Variants in FBXO15 observed in about 807,000 individuals in gnomAD.
The protein encoded by FBXO15 is F-box protein 15.
A neutral mutation model predicts 49.5 loss-of-function variants in FBXO15; 30 were observed. That is an observed-to-expected ratio of 0.61 (90% confidence interval 0.45 to 0.82). The LOEUF (loss-of-function observed/expected upper bound fraction) is 0.82, where lower values mean the gene tolerates loss of function less well. FBXO15 is among the 40% of genes least tolerant of loss of function. FBXO15 has a pLI of 0.00. For synonymous variants in FBXO15, 250 were observed against 232.7 expected (o/e 1.07, Z -0.68); for missense variants, 591 against 631.5 (o/e 0.94, Z 0.69).
At chr18:74,084,895 T>C (rs1328398711) in intron 8 of FBXO15, among the ~76,000 whole-genome samples, 1 of 152,120 alleles carries the variant, frequency 6.6e-6, no homozygotes, top group Non-Finnish European at 1.5e-5. Context: ...ATTAACATTA[T>C]GCAGTAGTTG....
chr18:74,133,041 A>C (rs902519450), intron 3 of FBXO15, among the ~76,000 whole-genome samples: 16 of 152,206 alleles, frequency 1.1e-4, no homozygotes, highest in African/African-American at 3.9e-4. Context: ...CTTAGAATAC[A>C]CTGTAAACTT....
At position 74,129,446 on chromosome 18, in the gene FBXO15, T is replaced by C; in HGVS notation, c.744A>G (p.Thr248=). 1 of 1,614,014 alleles carries C rather than the reference T, an allele frequency of 6.2e-7. No individual in the cohort carries two copies. Among genetic ancestry groups the C allele is most frequent in the East Asian group, 2.2e-5 (1 of 44,846 alleles). The part of the protein sequence containing the change: ...SLSTLDLCGM[T]PVFTDWYKTP... ...TTTTATACCAGTCGGTAAAAACTGG[T>C]GTCATGCCACATAAATCTAAGGTTG... is the stretch of plus-strand genomic sequence containing the variant. The change falls in exon 5 of 10, where the codon ACA becomes ACG. Residue 248 remains threonine, a synonymous_variant. Transcript: ENST00000419743.
At chr18:74,117,080 C>T (rs909977151) in intron 8 of FBXO15, among the ~76,000 whole-genome samples, 3 of 152,156 alleles carry the variant, frequency 2.0e-5, no homozygotes, top group African/African-American at 7.2e-5. Flanking sequence ...CCACATGGTA[C>T]CACAAGAGAG....
At chr18:74,130,881 C>A in intron 3 of FBXO15, 2 of 442,948 alleles carry the variant, frequency 4.5e-6, no homozygotes, top group Non-Finnish European at 7.9e-6. Flanking sequence ...AGGAAAAGCC[C>A]ATTTCCCAGG....
chr18:74,099,153 G>A (rs537582787), intron 8 of FBXO15: 2 of 152,018 alleles, frequency 1.3e-5, no homozygotes, highest in Admixed American at 1.3e-4. Context: ...TAAGACAAAG[G>A]AAAGAATCTT....
chr18:74,146,362 C>A (rs1979410290), intron 1 of FBXO15, among the ~76,000 whole-genome samples: 1 of 152,186 alleles, frequency 6.6e-6, no homozygotes, highest in Non-Finnish European at 1.5e-5. Flanking sequence ...ATAATGCATA[C>A]ATTTCCAAAT....
intron 8 of FBXO15, among the ~76,000 whole-genome samples, chr18:74,118,485 C>CAG (rs138973983): frequency 6.2e-4 from 91 of 146,332 alleles, no homozygotes; most frequent in Middle Eastern, 7.6e-3. Context: ...ACATTATACA[C>CAG]AGAGAGAGAG....
At chr18:74,114,492 T>C (rs1323911720) in intron 8 of FBXO15, among the ~76,000 whole-genome samples, 2 of 150,310 alleles carry the variant, frequency 1.3e-5, no homozygotes, top group African/African-American at 4.8e-5. Context: ...GGAGCCAATG[T>C]CATCTATTTA....
At chr18:74,131,399 G>C (rs1157178475) in intron 3 of FBXO15, among the ~76,000 whole-genome samples, 1 of 152,168 alleles carries the variant, frequency 6.6e-6, no homozygotes, top group East Asian at 1.9e-4. Flanking sequence ...TAGTGAAGCT[G>C]GGATCGGAAC....
chr18:74,124,675 C>G, intron 6 of FBXO15, 104 bp from the exon 7 acceptor site: 2 of 938,434 alleles, frequency 2.1e-6, no homozygotes, highest in Non-Finnish European at 3.5e-6. Flanking sequence ...GATAGAGGCA[C>G]TTTCTTACAA....
At chr18:74,105,037 TTA>T (rs1461452260) in intron 8 of FBXO15, among the ~76,000 whole-genome samples, 1 of 152,182 alleles carries the variant, frequency 6.6e-6, no homozygotes, top group Non-Finnish European at 1.5e-5. Flanking sequence ...CTGGAGGTAA[TTA>T]TATTAAGTAA....
At chr18:74,082,172 G>C in intron 8 of FBXO15, 121 bp from the exon 9 acceptor site, 2 of 854,052 alleles carry the variant, frequency 2.3e-6, no homozygotes, top group East Asian at 2.8e-5. Context: ...TCAGCGATGA[G>C]GGCAACATGG....
chr18:74,089,015 G>A (rs549243092), intron 8 of FBXO15, among the ~76,000 whole-genome samples: 4 of 152,110 alleles, frequency 2.6e-5, no homozygotes, highest in South Asian at 2.1e-4. Context: ...TGTACATGAC[G>A]TACAGGTTTG....
rs1004573230 is a variant in FBXO15, at chr18:74,073,421, A to G, written c.*40T>C. ...AACACCAAGAACAAAGCCAGTCAAA[A>G]ATAAACAACTAAATAACAACAATAA... On this transcript the variant is annotated 3_prime_UTR_variant, in exon 10 of 10. Coordinates refer to ENST00000419743, the MANE Select transcript of FBXO15 (RefSeq NM_001142958.2). 1 of 1,588,742 alleles carries G rather than the reference A, an allele frequency of 6.3e-7. No homozygotes were observed. Among genetic ancestry groups the G allele is most frequent in the African/African-American group, 1.3e-5 (1 of 74,080 alleles).
chr18:74,143,610 C>A (rs2145232414), intron 1 of FBXO15, among the ~76,000 whole-genome samples: 1 of 152,308 alleles, frequency 6.6e-6, no homozygotes, highest in East Asian at 1.9e-4. Flanking sequence ...GAAAAAAATA[C>A]TAAAAACGGT....
At chr18:74,128,334 CA>C (rs200806589) in intron 5 of FBXO15, among the ~76,000 whole-genome samples, 259 of 129,794 alleles carry the variant, frequency 2.0e-3, no homozygotes, top group Middle Eastern at 4.0e-3. Context: ...TACAGAGCTG[CA>C]AAAAAAAAAA....
At chr18:74,139,054 C>T (rs903624361) in intron 2 of FBXO15, among the ~76,000 whole-genome samples, 1 of 152,118 alleles carries the variant, frequency 6.6e-6, no homozygotes, top group Non-Finnish European at 1.5e-5. Context: ...GGAGCCCCCA[C>T]CACCACACCT....
chr18:74,140,361 G>T, intron 1 of FBXO15, 49 bp from the exon 2 acceptor site: 1 of 1,483,024 alleles, frequency 6.7e-7, no homozygotes, highest in Non-Finnish European at 9.2e-7. Flanking sequence ...CAAATGAGGT[G>T]AATTATCTAT....
At chr18:74,133,181 G>A (rs983225850) in intron 3 of FBXO15, among the ~76,000 whole-genome samples, 1 of 152,170 alleles carries the variant, frequency 6.6e-6, no homozygotes, top group Non-Finnish European at 1.5e-5. Context: ...CCTAAAAAGT[G>A]CAATTCAACT....
Sources: allele counts gnomAD v4.1 joint callset (sites outside exome capture counted in the v4.1 genomes callset), GRCh38; gene constraint gnomAD v4.1.1; transcripts MANE v1.5; gene names NCBI Gene and HGNC (gene_info 2026-07-23, HGNC 2026-07-21).